Variants in CTNNA3 observed in about 807,000 individuals in gnomAD.
The protein encoded by CTNNA3 is catenin alpha-3.
In CTNNA3, 76 loss-of-function variants were observed where a neutral mutation model predicts 95.7. The observed-to-expected ratio is 0.79, with a 90% confidence interval of 0.66 to 0.96. CTNNA3 has a LOEUF of 0.96. Ranked by LOEUF, CTNNA3 falls within the 40% of genes least tolerant of loss-of-function variation. The probability of loss-of-function intolerance (pLI) is 0.00; values close to 1 mark genes in which losing one functional copy is unlikely to be tolerated. For missense variants in CTNNA3, 1,191 were observed against 1,089.8 expected (o/e 1.09, Z -1.31); for synonymous variants, 431 against 374.4 (o/e 1.15, Z -1.74).
At chr10:67,206,044 G>A (rs750386495) in intron 6 of CTNNA3, among the ~76,000 whole-genome samples, 14 of 152,284 alleles carry the variant, frequency 9.2e-5, no homozygotes, top group Middle Eastern at 6.8e-3. Flanking sequence ...GGGAAGGCAG[G>A]AGCCTAACTT....
At chr10:67,723,347 A>C (rs907388911) in intron 1 of CTNNA3, among the ~76,000 whole-genome samples, 3 of 149,496 alleles carry the variant, frequency 2.0e-5, no homozygotes, top group African/African-American at 7.4e-5. Flanking sequence ...GCTGGAGTGC[A>C]GTGATGCAAT....
chr10:66,989,958 A>T (rs1036816981), intron 7 of CTNNA3, among the ~76,000 whole-genome samples: 12 of 152,176 alleles, frequency 7.9e-5, no homozygotes, highest in Non-Finnish European at 1.6e-4. Flanking sequence ...AAATTAAGAT[A>T]GCCACCTCAA....
chr10:66,604,000 G>C (rs747989428), intron 10 of CTNNA3, among the ~76,000 whole-genome samples: 1 of 152,018 alleles, frequency 6.6e-6, no homozygotes, highest in Non-Finnish European at 1.5e-5. Flanking sequence ...TTGGAAAACA[G>C]TATAGGACAC....
chr10:67,245,069 C>T (rs1324269365), intron 5 of CTNNA3, among the ~76,000 whole-genome samples: 1 of 152,044 alleles, frequency 6.6e-6, no homozygotes, highest in Non-Finnish European at 1.5e-5. Flanking sequence ...TGGCTCAGAC[C>T]ATCCTATGTA....
chr10:66,776,733 G>A (rs1217480787), intron 7 of CTNNA3, among the ~76,000 whole-genome samples: 1 of 152,060 alleles, frequency 6.6e-6, no homozygotes, highest in African/African-American at 2.4e-5. Flanking sequence ...TTTCTACAGG[G>A]AGTTCTTCCA....
At chr10:65,984,308 T>G (rs1214631309) in intron 16 of CTNNA3, among the ~76,000 whole-genome samples, 6 of 151,376 alleles carry the variant, frequency 4.0e-5, no homozygotes, top group African/African-American at 1.4e-4. Flanking sequence ...TGTCTTAATC[T>G]ATCCAATAAT....
At chr10:67,551,579 G>C (rs1346374129) in intron 3 of CTNNA3, among the ~76,000 whole-genome samples, 1 of 152,176 alleles carries the variant, frequency 6.6e-6, no homozygotes, top group Non-Finnish European at 1.5e-5. Context: ...TAAACTAAAA[G>C]AGCACCCTGT....
chr10:67,155,151 CT>C (rs1459270100), intron 7 of CTNNA3, among the ~76,000 whole-genome samples: 2 of 145,590 alleles, frequency 1.4e-5, no homozygotes, highest in African/African-American at 2.6e-5. Context: ...AAGCATGTCT[CT>C]TTAGTTCATT....
chr10:66,578,986 T>C (rs1387666705), intron 10 of CTNNA3, among the ~76,000 whole-genome samples: 1 of 150,820 alleles, frequency 6.6e-6, no homozygotes, highest in Non-Finnish European at 1.5e-5. Flanking sequence ...TTTTTTTGGT[T>C]GGTAGGCTTT....
chr10:66,886,539 T>A (rs1845052013), intron 7 of CTNNA3, among the ~76,000 whole-genome samples: 1 of 152,178 alleles, frequency 6.6e-6, no homozygotes, highest in Non-Finnish European at 1.5e-5. Flanking sequence ...AAGTTCTGCT[T>A]TTCACTGTTA....
chr10:66,769,222 CT>C (rs1422519204), intron 8 of CTNNA3, among the ~76,000 whole-genome samples: 1 of 152,182 alleles, frequency 6.6e-6, no homozygotes, highest in African/African-American at 2.4e-5. Flanking sequence ...ATTGTGCCAA[CT>C]TTTGTCATCT....
At chr10:66,838,991 T>C (rs1842964331) in intron 7 of CTNNA3, among the ~76,000 whole-genome samples, 1 of 152,022 alleles carries the variant, frequency 6.6e-6, no homozygotes, top group Non-Finnish European at 1.5e-5. Context: ...CGAAGACTTT[T>C]GTACCCTATG....
chr10:66,272,984 C>G lies in CTNNA3; in HGVS notation c.1884+7486G>C, dbSNP rs377167592. 2.3e-4 allele frequency among the ~76,000 whole-genome samples: 35 copies of G among 152,286 alleles called. No homozygotes were observed. The East Asian group carries it at 5.4e-3, about 24-fold the overall frequency. On this transcript the variant is annotated intron_variant, in intron 13 of 17. Coordinates refer to ENST00000433211, the MANE Select transcript of CTNNA3 (RefSeq NM_013266.4). The stretch of plus-strand genomic sequence containing the variant: ...CACTTATCATACCCTGTGGCTGTGA[C>G]TTTTGAGTCTGAAGAGTGATAGCAA...
intron 12 of CTNNA3, among the ~76,000 whole-genome samples, chr10:66,308,135 T>G (rs1324278837): frequency 6.6e-6 from 1 of 152,198 alleles, no homozygotes; most frequent in Non-Finnish European, 1.5e-5. Flanking sequence ...CTGCATTTTT[T>G]GCAAATGAAA....
intron 15 of CTNNA3, among the ~76,000 whole-genome samples, chr10:66,046,468 A>C (rs2105700): frequency 0.52 from 79,598 of 151,982 alleles, 21,227 homozygotes; most frequent in South Asian, 0.59. Flanking sequence ...ACAGCTAAGG[A>C]AGTGTTAAGA....
intron 9 of CTNNA3, among the ~76,000 whole-genome samples, chr10:66,691,969 C>T (rs1270868426): frequency 6.6e-6 from 1 of 152,082 alleles, no homozygotes; most frequent in Admixed American, 6.5e-5. Context: ...TGTACATCGC[C>T]ATCATCAAAG....
chr10:67,656,852 A>C (rs537256527), intron 1 of CTNNA3, among the ~76,000 whole-genome samples: 8 of 152,174 alleles, frequency 5.3e-5, no homozygotes, highest in Non-Finnish European at 8.8e-5. Flanking sequence ...TAAGAGAGAA[A>C]GTCAGAAAGG....
intron 7 of CTNNA3, among the ~76,000 whole-genome samples, chr10:67,153,054 C>A (rs1268609160): frequency 6.6e-6 from 1 of 152,016 alleles, no homozygotes; most frequent in Non-Finnish European, 1.5e-5. Flanking sequence ...CAGCTCACTG[C>A]AACCTCTGCC....
chr10:67,626,075 A>G (rs1453040535), intron 2 of CTNNA3, among the ~76,000 whole-genome samples: 2 of 151,962 alleles, frequency 1.3e-5, no homozygotes, highest in Admixed American at 6.6e-5. Flanking sequence ...TCAAATACTC[A>G]GGAGACTGAG....
Sources: allele counts gnomAD v4.1 joint callset (sites outside exome capture counted in the v4.1 genomes callset), GRCh38; gene constraint gnomAD v4.1.1; transcripts MANE v1.5; gene names NCBI Gene and HGNC (gene_info 2026-07-23, HGNC 2026-07-21).